DGKH: variants seen among roughly 807,000 people sequenced by gnomAD.
DGKH encodes DAG kinase eta.
A neutral mutation model predicts 159.3 loss-of-function variants in DGKH; 90 were observed. That is an observed-to-expected ratio of 0.57 (90% CI 0.48 to 0.67). The LOEUF (loss-of-function observed/expected upper bound fraction) is 0.67. Among genes scored for constraint, DGKH ranks in the 30% least tolerant of loss-of-function variants. The pLI, the probability that DGKH is intolerant of heterozygous loss-of-function variation, is 0.00. For missense variants in DGKH, 1,181 were observed against 1,506.1 expected (o/e 0.78, Z 3.57); for synonymous variants, 536 against 553.8 (o/e 0.97, Z 0.45).
At chr13:42,070,468 A>G in intron 1 of DGKH, 3 of 1,280,458 alleles carry the variant, frequency 2.3e-6, no homozygotes, top group South Asian at 1.2e-5. Context: ...TGGCTTTAGT[A>G]TAATTATTAG....
intron 7 of DGKH, among the ~76,000 whole-genome samples, chr13:42,164,405 A>T (rs1265056904): frequency 6.6e-6 from 1 of 152,242 alleles, no homozygotes; most frequent in Admixed American, 6.5e-5. Flanking sequence ...ATTGTAAAGC[A>T]TAATAGAAAA....
Position 42,210,504 on chromosome 13 carries a change from CATT to C in DGKH, c.2851-96_2851-94del. Reference sequence around the variant, plus strand: ...TATACTTGTGATTTATTTGAGGAGTCATTAGAGAAAAAGCAATTGTAGTTTTAT... The same window carrying C: ...TATACTTGTGATTTATTTGAGGAGTCAGAGAAAAAGCAATTGTAGTTTTAT... On this transcript the variant is annotated intron_variant, in intron 23 of 29. Transcript: ENST00000337343. The C allele has an allele frequency of 2.6e-6, 3 of 1,173,868 alleles. 1 individual carries two copies. Among genetic ancestry groups the C allele is most frequent in the South Asian group, 3.1e-5 (2 of 64,656 alleles). 72.7% of individuals were successfully genotyped at this position (1,173,868 alleles called of 1,614,324 possible).
chr13:42,040,488 CGGGAGGAGGGGCGGCG>C, intron 1 of DGKH, among the ~76,000 whole-genome samples: 1 of 151,204 alleles, frequency 6.6e-6, no homozygotes, highest in Admixed American at 6.6e-5. Flanking sequence ...GGCCACCCGC[CGGGAGGAGGGGCGGCG>C]GGGGGGAGGG....
At chr13:42,139,088 C>T (rs1173756642) in intron 3 of DGKH, among the ~76,000 whole-genome samples, 1 of 152,186 alleles carries the variant, frequency 6.6e-6, no homozygotes, top group Non-Finnish European at 1.5e-5. Context: ...CCAAGACTAA[C>T]CCAGAGAAAT....
intron 17 of DGKH, among the ~76,000 whole-genome samples, chr13:42,197,597 C>T (rs1434900803): frequency 1.3e-5 from 2 of 152,106 alleles, no homozygotes; most frequent in African/African-American, 4.8e-5. Flanking sequence ...GTAGTCCCAG[C>T]TACTTGGGAG....
At chr13:42,082,510 T>G (rs1467790218) in intron 1 of DGKH, among the ~76,000 whole-genome samples, 3 of 152,164 alleles carry the variant, frequency 2.0e-5, no homozygotes, top group Non-Finnish European at 4.4e-5. Flanking sequence ...GTTAATACAT[T>G]TCCAAGACAA....
At chr13:42,052,953 G>C (rs1390241715) in intron 1 of DGKH, among the ~76,000 whole-genome samples, 2 of 152,110 alleles carry the variant, frequency 1.3e-5, no homozygotes, top group African/African-American at 4.8e-5. Context: ...ACATTTATAT[G>C]TCTTCTTACA....
At chr13:42,151,613 A>ACCC (rs140696226) in intron 3 of DGKH, among the ~76,000 whole-genome samples, 55 of 111,978 alleles carry the variant, frequency 4.9e-4, no homozygotes, top group East Asian at 2.3e-3. Context: ...ACACACACAC[A>ACCC]CCCCATGGAA....
intron 1 of DGKH, among the ~76,000 whole-genome samples, chr13:42,057,691 AG>A (rs2137658284): frequency 6.6e-6 from 1 of 152,334 alleles, no homozygotes; most frequent in South Asian, 2.1e-4. Context: ...GGGATAGAGC[AG>A]TAAGCAAAAA....
rs747664279 is a variant in DGKH, at chr13:42,214,607, C to A, written c.3115C>A (p.Pro1039Thr). ...CCTGAATAAAGCCAACCCAAGGTGC[C>A]CGGAGGTGAGGATCTAATGGTAAAT... ...HALNKANPRC[P>T]ESLTRDTATE... Residue 1039 changes from proline (P) to threonine (T), a missense_variant, in exon 25 of 30, where the codon CCG becomes ACG. Around this residue, in one of 5 missense-constraint regions of DGKH, gnomAD observed 335 missense variants for 495.2 expected, o/e 0.68. Coordinates refer to ENST00000337343, the MANE Select transcript of DGKH (RefSeq NM_178009.5). 10 of 1,613,030 alleles carry A rather than the reference C, an allele frequency of 6.2e-6. No homozygotes were observed. The highest frequency in any genetic ancestry group is 8.5e-6 in the Non-Finnish European group (10 of 1,179,520).
rs568034267 is a variant in DGKH, at chr13:42,064,878, AT to A, written c.192+15924del. On this transcript the variant is annotated intron_variant, in intron 1 of 29. Coordinates refer to ENST00000337343, the MANE Select transcript of DGKH (RefSeq NM_178009.5). Reference sequence around the variant, plus strand: ...AAAGAAAGAAATAAATCTGATTTGGATTTTTTTTTTTAAATTTACAAATGAA... The same window carrying A: ...AAAGAAAGAAATAAATCTGATTTGGATTTTTTTTTTAAATTTACAAATGAA... 7.1e-4 allele frequency among the ~76,000 whole-genome samples: 106 copies of A among 148,912 alleles called. 1 individual carries two copies. Among genetic ancestry groups the A allele is most frequent in the Admixed American group, 9.4e-4 (14 of 14,866 alleles).
At chr13:42,154,518 G>C (rs1955991478) in intron 3 of DGKH, among the ~76,000 whole-genome samples, 1 of 152,110 alleles carries the variant, frequency 6.6e-6, no homozygotes, top group African/African-American at 2.4e-5. Flanking sequence ...TAATTAAGTT[G>C]CCTTTTTAAT....
At chr13:42,049,110 AAGGCGGGGAAGGCGGGGAAGGCGGG>A (rs1881039991) in intron 1 of DGKH, 145 bp downstream of exon 1, 2 of 650,658 alleles carry the variant, frequency 3.1e-6, no homozygotes, top group Non-Finnish European at 3.7e-6. Flanking sequence ...GAAGGCGGGG[AAGGCGGGGAAGGCGGGGAAGGCGGG>A]GATGGTGAGA....
chr13:42,237,860 G>A lies in DGKH; in HGVS notation c.*8672G>A, dbSNP rs1424746215. On this transcript the variant is annotated 3_prime_UTR_variant, in exon 30 of 30. Coordinates refer to ENST00000337343, the MANE Select transcript of DGKH (RefSeq NM_178009.5). ...GTAAATGTGGATCAGACCATACCCT[G>A]CAGACCAAGGAGATTTTCTTAAACT... 1 of 152,206 alleles carries A rather than the reference G, an allele frequency of 6.6e-6. No individual in the cohort carries two copies. Among genetic ancestry groups the A allele is most frequent in the Non-Finnish European group, 1.5e-5 (1 of 68,036 alleles). The allele number at this position is 152,206 out of a possible 1,614,324, so 9.4% of individuals were successfully genotyped here.
chr13:42,119,988 A>G (rs1195180716), intron 1 of DGKH, among the ~76,000 whole-genome samples: 2 of 152,100 alleles, frequency 1.3e-5, no homozygotes, highest in Non-Finnish European at 2.9e-5. Context: ...CTGTGGTTAT[A>G]TTTTCCCCAT....
intron 11 of DGKH, among the ~76,000 whole-genome samples, chr13:42,173,521 G>GT (rs1333769693): frequency 6.6e-6 from 1 of 152,094 alleles, no homozygotes; most frequent in Admixed American, 6.6e-5. Context: ...ATTTAAGAAG[G>GT]GGTATTTAGC....
intron 1 of DGKH, among the ~76,000 whole-genome samples, chr13:42,126,479 A>G (rs892847225): frequency 2.0e-5 from 3 of 152,254 alleles, no homozygotes; most frequent in South Asian, 2.1e-4. Flanking sequence ...AGCCATTGTG[A>G]TGGAGGAAAT....
At chr13:42,199,710 A>G in intron 19 of DGKH, 34 bp downstream of exon 19, 1 of 1,561,556 alleles carries the variant, frequency 6.4e-7, no homozygotes, top group Non-Finnish European at 8.7e-7. Context: ...GCTATTACAT[A>G]AAGGCAATTT....
At chr13:42,185,199 T>C (rs1169190699) in intron 13 of DGKH, among the ~76,000 whole-genome samples, 1 of 152,248 alleles carries the variant, frequency 6.6e-6, no homozygotes, top group Admixed American at 6.5e-5. Flanking sequence ...TTAGGTATAA[T>C]AAAAGGTTAC....
Sources: gnomAD v4.1 joint callset for allele counts (sites outside exome capture counted in the v4.1 genomes callset) on GRCh38, gnomAD v4.1.1 for gene constraint, gnomAD v4.1.1 regional missense constraint, MANE v1.5 for transcripts, NCBI Gene and HGNC (gene_info 2026-07-23, HGNC 2026-07-21) for gene names.